The following MACROD2 variants were observed in gnomAD, a reference collection of about 807,000 sequenced individuals.
MACROD2 encodes ADP-ribose glycohydrolase MACROD2.
Under a neutral mutation model 70.4 loss-of-function variants are expected in MACROD2, and 36 were observed. That is an observed-to-expected ratio of 0.51 (90% CI 0.39 to 0.68). The LOEUF is 0.68. MACROD2 is among the 30% of genes least tolerant of loss of function. MACROD2 has a pLI of 0.00. For synonymous variants in MACROD2, 172 were observed against 178.8 expected (o/e 0.96, Z 0.30); for missense variants, 496 against 538.4 (o/e 0.92, Z 0.78).
chr20:14,224,280 GGCCTTA>G (rs2081711643), intron 3 of MACROD2, among the ~76,000 whole-genome samples: 1 of 152,152 alleles, frequency 6.6e-6, no homozygotes, highest in African/African-American at 2.4e-5. Context: ...CCCAGCCCTA[GGCCTTA>G]AGCCTCCATC....
intron 8 of MACROD2, among the ~76,000 whole-genome samples, chr20:15,585,333 A>G (rs2048583682): frequency 6.6e-6 from 1 of 151,436 alleles, no homozygotes; most frequent in Admixed American, 6.6e-5. Flanking sequence ...AGTAGCTGGG[A>G]TTACAGGCAT....
intron 3 of MACROD2, among the ~76,000 whole-genome samples, chr20:14,240,121 C>T (rs760418631): frequency 2.0e-5 from 3 of 152,136 alleles, no homozygotes; most frequent in Admixed American, 6.5e-5. Flanking sequence ...AAACAATAAT[C>T]AACAACCACA....
intron 5 of MACROD2, among the ~76,000 whole-genome samples, chr20:15,024,237 C>T (rs1226533970): frequency 6.6e-6 from 1 of 152,090 alleles, no homozygotes; most frequent in Non-Finnish European, 1.5e-5. Context: ...TTAAAAAATA[C>T]TACTATTCAT....
intron 2 of MACROD2, among the ~76,000 whole-genome samples, chr20:14,047,902 A>G (rs1471638521): frequency 1.3e-5 from 2 of 152,236 alleles, no homozygotes; most frequent in Non-Finnish European, 2.9e-5. Context: ...TTTTGGTAAA[A>G]TCAAATATTT....
chr20:15,920,015 A>G (rs1349644811), intron 10 of MACROD2, among the ~76,000 whole-genome samples: 1 of 152,204 alleles, frequency 6.6e-6, no homozygotes, highest in Non-Finnish European at 1.5e-5. Context: ...GGTTATAGGT[A>G]GGAAGACTAG....
chr20:15,915,289 G>A lies in MACROD2; in HGVS notation c.776-17987G>A, dbSNP rs539679214. Among the ~76,000 whole-genome samples the A allele has an allele frequency of 6.6e-5, 10 of 152,098 alleles. No homozygotes were observed. In the South Asian group the frequency reaches 1.9e-3, roughly 29 times the overall value. ...CAATTAGCCCCACCCTGAAGCTATC[G>A]AGGGGCCCACCAAGAACCACCTTAT... On this transcript the variant is annotated intron_variant, in intron 10 of 17. Coordinates refer to ENST00000684519, the MANE Select transcript of MACROD2 (RefSeq NM_001351661.2).
At chr20:14,310,576 G>GA (rs1175313214) in intron 3 of MACROD2, among the ~76,000 whole-genome samples, 4 of 152,046 alleles carry the variant, frequency 2.6e-5, no homozygotes, top group African/African-American at 4.8e-5. Context: ...TCCTTGATAA[G>GA]AAAAAATGAC....
intron 6 of MACROD2, among the ~76,000 whole-genome samples, chr20:15,269,310 G>A (rs779375398): frequency 5.3e-5 from 8 of 152,148 alleles, no homozygotes; most frequent in South Asian, 4.2e-4. Context: ...TTCTCTTCCC[G>A]AACTTGAGCA....
intron 5 of MACROD2, among the ~76,000 whole-genome samples, chr20:14,718,292 C>CAAAAAAAAACAAA (rs557535465): frequency 1.8e-5 from 1 of 54,646 alleles, no homozygotes; most frequent in Non-Finnish European, 3.0e-5. Context: ...GACTCTGTCT[C>CAAAAAAAAACAAA]AAAAAAAAAA....
At chr20:15,962,036 C>T (rs1157934490) in intron 12 of MACROD2, among the ~76,000 whole-genome samples, 1 of 152,130 alleles carries the variant, frequency 6.6e-6, no homozygotes, top group Admixed American at 6.5e-5. Context: ...TTTCTTTTTC[C>T]ATCATGGTCC....
At chr20:15,411,534 T>C (rs897272115) in intron 6 of MACROD2, among the ~76,000 whole-genome samples, 6 of 152,234 alleles carry the variant, frequency 3.9e-5, no homozygotes, top group African/African-American at 1.4e-4. Context: ...AGCTATACTT[T>C]ATCCTACAGA....
chr20:14,986,640 A>C (rs1009684559), intron 5 of MACROD2, among the ~76,000 whole-genome samples: 1 of 152,188 alleles, frequency 6.6e-6, no homozygotes, highest in Admixed American at 6.5e-5. Context: ...AAGCAGAAAA[A>C]GACGTTAAAA....
At chr20:15,147,457 G>T (rs2076238652) in intron 5 of MACROD2, among the ~76,000 whole-genome samples, 1 of 150,814 alleles carries the variant, frequency 6.6e-6, no homozygotes, top group Non-Finnish European at 1.5e-5. Context: ...CCCAGCCAGG[G>T]TCTTTGTGTA....
intron 4 of MACROD2, among the ~76,000 whole-genome samples, chr20:14,564,631 T>G (rs1979657304): frequency 6.6e-6 from 1 of 151,794 alleles, no homozygotes; most frequent in African/African-American, 2.4e-5. Flanking sequence ...GAAATGCAAA[T>G]TAAAGCCACA....
chr20:15,672,348 TACACACACACAC>T (rs3071295), intron 8 of MACROD2, among the ~76,000 whole-genome samples: 142 of 141,960 alleles, frequency 1.0e-3, no homozygotes, highest in Non-Finnish European at 1.9e-3. Flanking sequence ...TGTTCTATTT[TACACACACACAC>T]ACACACACAC....
chr20:15,342,311 G>A (rs1055023159), intron 6 of MACROD2, among the ~76,000 whole-genome samples: 2 of 152,176 alleles, frequency 1.3e-5, no homozygotes, highest in Non-Finnish European at 2.9e-5. Flanking sequence ...TGTTAATTTA[G>A]GGCTATATGG....
intron 6 of MACROD2, among the ~76,000 whole-genome samples, chr20:15,340,126 C>CT (rs1372227059): frequency 0.012 from 1,065 of 91,594 alleles, 72 homozygotes; most frequent in Non-Finnish European, 0.015. Context: ...TTCTTTCTTT[C>CT]TTTCTTTTTT....
chr20:14,957,822 CTTG>C (rs1182122844), intron 5 of MACROD2, among the ~76,000 whole-genome samples: 1 of 152,100 alleles, frequency 6.6e-6, no homozygotes, highest in Non-Finnish European at 1.5e-5. Flanking sequence ...TATCTCCATC[CTTG>C]TTATTTTTTA....
At chr20:14,169,202 A>T (rs982396910) in intron 3 of MACROD2, among the ~76,000 whole-genome samples, 2 of 152,086 alleles carry the variant, frequency 1.3e-5, no homozygotes, top group African/African-American at 4.8e-5. Flanking sequence ...AGAGACATAC[A>T]TACCTTAACT....
Sources: allele counts gnomAD v4.1 joint callset (sites outside exome capture counted in the v4.1 genomes callset), GRCh38; gene constraint gnomAD v4.1.1; transcripts MANE v1.5; gene names NCBI Gene and HGNC (gene_info 2026-07-23, HGNC 2026-07-21).